The following CHRM3 variants were observed in gnomAD, a reference collection of about 807,000 sequenced individuals.
CHRM3 encodes the protein cholinergic receptor muscarinic 3, also known as muscarinic acetylcholine receptor M3.
A neutral mutation model predicts 41.8 loss-of-function variants in CHRM3; 11 were observed. That is an observed-to-expected ratio of 0.26 (90% CI 0.17 to 0.44). The LOEUF (loss-of-function observed/expected upper bound fraction) is 0.44, where lower values mean the gene tolerates loss of function less well. CHRM3 is among the 20% of genes least tolerant of loss of function. CHRM3 has a pLI of 1.00. For missense variants in CHRM3, 571 were observed against 745.4 expected (o/e 0.77, Z 2.72); for synonymous variants, 297 against 301.4 (o/e 0.99, Z 0.15).
chr1:239,480,569 T>TTTTTG (rs1558254444), intron 1 of CHRM3, among the ~76,000 whole-genome samples: 1 of 135,362 alleles, frequency 7.4e-6, no homozygotes, highest in African/African-American at 2.7e-5. Context: ...TTTTTTTTTT[T>TTTTTG]TTGTTGAGAC....
intron 5 of CHRM3, chr1:239,719,747 C>T (rs923819112): frequency 2.0e-5 from 3 of 151,868 alleles, no homozygotes; most frequent in East Asian, 1.9e-4. Flanking sequence ...TCTTCTTAAA[C>T]GTAGGTAGTA....
At chr1:239,718,611 T>A (rs1354338653) in intron 5 of CHRM3, among the ~76,000 whole-genome samples, 1 of 152,040 alleles carries the variant, frequency 6.6e-6, no homozygotes, top group African/African-American at 2.4e-5. Context: ...TTCCATTCTT[T>A]TTTTTTTGAA....
rs1001378684 is a variant in CHRM3 at position 239,662,951 on chromosome 1, C to T, written c.-249-15235C>T. Among the ~76,000 whole-genome samples, 57 of 139,312 alleles carry T rather than the reference C, an allele frequency of 4.1e-4. 2 individuals are homozygous for T. The East Asian group carries it at 0.01, about 25-fold the overall frequency. 91.4% of individuals were successfully genotyped at this position (139,312 alleles called of 152,430 possible). On this transcript the variant is annotated intron_variant, in intron 4 of 6. Transcript: ENST00000676153. ...TTCTTCTCCTCTTCTTCTTCCTTCT[C>T]CTTTCTCCTCTTCCTTCTCCTCTCT...
At chr1:239,419,865 CA>C (rs752502347) in intron 1 of CHRM3, among the ~76,000 whole-genome samples, 3 of 152,162 alleles carry the variant, frequency 2.0e-5, no homozygotes, top group Non-Finnish European at 4.4e-5. Context: ...TGTGTGGTGC[CA>C]ATATAAAACA....
At chr1:239,637,016 G>A (rs574748489) in intron 4 of CHRM3, among the ~76,000 whole-genome samples, 3 of 152,032 alleles carry the variant, frequency 2.0e-5, no homozygotes, top group Non-Finnish European at 2.9e-5. Context: ...TTGTATCCTC[G>A]GTATTAAAGG....
chr1:239,881,882 G>A (rs756264811), intron 6 of CHRM3, among the ~76,000 whole-genome samples: 15 of 151,424 alleles, frequency 9.9e-5, no homozygotes, highest in Non-Finnish European at 1.9e-4. Flanking sequence ...ACAACTGGAG[G>A]ACAACTCATT....
At chr1:239,536,102 C>T (rs1417182669) in intron 2 of CHRM3, among the ~76,000 whole-genome samples, 1 of 152,274 alleles carries the variant, frequency 6.6e-6, no homozygotes, top group East Asian at 1.9e-4. Context: ...CCCCAAATTC[C>T]ATCTGAATTC....
chr1:239,567,898 C>G (rs982944582), intron 3 of CHRM3, among the ~76,000 whole-genome samples: 2 of 152,168 alleles, frequency 1.3e-5, no homozygotes, highest in Non-Finnish European at 2.9e-5. Flanking sequence ...CTGCCTCCAC[C>G]TCTCTGGTTC....
At chr1:239,714,361 G>A (rs1307153718) in intron 5 of CHRM3, 4 of 152,196 alleles carry the variant, frequency 2.6e-5, no homozygotes, top group African/African-American at 9.6e-5. Context: ...AGGTGGCAGT[G>A]GAGAGTGCTC....
intron 5 of CHRM3, among the ~76,000 whole-genome samples, chr1:239,798,563 C>A (rs1669975272): frequency 6.6e-6 from 1 of 152,118 alleles, no homozygotes; most frequent in Admixed American, 6.5e-5. Context: ...TGCTAAATGA[C>A]CTTGCAGATA....
rs554724667 is a variant in CHRM3, at chr1:239,607,636, C to G, written c.-312-24588C>G. ...GTAAATTATTTATCTCACCAAAATA[C>G]TATTAATATGAAAAGCTCAAACTAA... On this transcript the variant is annotated intron_variant, in intron 3 of 6. Transcript: ENST00000676153. 2.6e-5 allele frequency among the ~76,000 whole-genome samples: 4 copies of G among 151,984 alleles called. No individual in the cohort carries two copies. The East Asian group carries it at 7.8e-4, about 29-fold the overall frequency.
chr1:239,623,341 C>G (rs1251107327), intron 3 of CHRM3, among the ~76,000 whole-genome samples: 2 of 150,490 alleles, frequency 1.3e-5, no homozygotes, highest in Admixed American at 6.6e-5. Flanking sequence ...CAGTTCCCAC[C>G]TATGAGTAAG....
intron 3 of CHRM3, among the ~76,000 whole-genome samples, chr1:239,560,176 A>G (rs893058503): frequency 3.9e-5 from 6 of 152,236 alleles, no homozygotes; most frequent in Non-Finnish European, 8.8e-5. Flanking sequence ...TAGAAAATAT[A>G]TCAATACTTT....
At chr1:239,454,356 C>T (rs1664771005) in intron 1 of CHRM3, among the ~76,000 whole-genome samples, 1 of 152,092 alleles carries the variant, frequency 6.6e-6, no homozygotes, top group African/African-American at 2.4e-5. Flanking sequence ...GATGAACAGC[C>T]AGATGAAAGA....
rs191916860 is a variant in CHRM3, at chr1:239,867,816, G to A, written c.-19-39617G>A. Among the ~76,000 whole-genome samples, 240 of 152,186 alleles carry A rather than the reference G, an allele frequency of 1.6e-3. 1 individual carries two copies. Among genetic ancestry groups the A allele is most frequent in the Non-Finnish European group, 2.7e-3 (183 of 68,010 alleles). On this transcript the variant is annotated intron_variant, in intron 6 of 6. Coordinates refer to ENST00000676153, the MANE Select transcript of CHRM3 (RefSeq NM_001375978.1). The stretch of plus-strand genomic sequence containing the variant: ...TGTTGGGGCCCAGAGACAACACAGC[G>A]CCTCCTAGTTTACCTTCCATCTCCC...
chr1:239,842,744 G>A (rs527668147), intron 6 of CHRM3, among the ~76,000 whole-genome samples: 3 of 151,970 alleles, frequency 2.0e-5, no homozygotes, highest in African/African-American at 7.3e-5. Flanking sequence ...ATGCATGCAC[G>A]CACACACAGG....
At chr1:239,634,581 G>A (rs1670260641) in intron 4 of CHRM3, among the ~76,000 whole-genome samples, 1 of 149,832 alleles carries the variant, frequency 6.7e-6, no homozygotes, top group African/African-American at 2.4e-5. Context: ...TAGAACTAAT[G>A]GTCAAAATAT....
chr1:239,795,609 T>C (rs1669702618), intron 5 of CHRM3, among the ~76,000 whole-genome samples: 1 of 152,194 alleles, frequency 6.6e-6, no homozygotes, highest in African/African-American at 2.4e-5. Context: ...AGAATAAAGA[T>C]GAAACCTTTT....
At chr1:239,860,201 A>G (rs1254395692) in intron 6 of CHRM3, among the ~76,000 whole-genome samples, 3 of 152,166 alleles carry the variant, frequency 2.0e-5, no homozygotes, top group Non-Finnish European at 4.4e-5. Context: ...TTCATTTACT[A>G]GGTCTGTGAC....
Sources: allele counts gnomAD v4.1 joint callset (sites outside exome capture counted in the v4.1 genomes callset), GRCh38; gene constraint gnomAD v4.1.1; transcripts MANE v1.5; gene names NCBI Gene and HGNC (gene_info 2026-07-23, HGNC 2026-07-21).